LATS1: variants seen among roughly 807,000 people sequenced by gnomAD.
The protein encoded by LATS1 is serine/threonine-protein kinase LATS1.
A neutral mutation model predicts 106.6 loss-of-function variants in LATS1; 25 were observed. The observed-to-expected ratio is 0.23, with a 90% CI of 0.17 to 0.33. The LOEUF (loss-of-function observed/expected upper bound fraction) is 0.33. Among genes scored for constraint, LATS1 ranks in the 10% least tolerant of loss-of-function variants. The probability of loss-of-function intolerance (pLI) is 1.00; values close to 1 mark genes in which losing one functional copy is unlikely to be tolerated. For missense variants in LATS1, 1,040 were observed against 1,382.6 expected (o/e 0.75, Z 3.93); for synonymous variants, 465 against 455.6 (o/e 1.02, Z -0.26).
chr6:149,672,977 T>C (rs1251925930), intron 7 of LATS1, among the ~76,000 whole-genome samples: 1 of 151,980 alleles, frequency 6.6e-6, no homozygotes, highest in Admixed American at 6.5e-5. Flanking sequence ...TGGATAGATT[T>C]TATGTGTTAT....
At chr6:149,671,327 T>C (rs926948587) in intron 7 of LATS1, among the ~76,000 whole-genome samples, 1 of 151,838 alleles carries the variant, frequency 6.6e-6, no homozygotes, top group African/African-American at 2.4e-5. Context: ...AGAGACGGGG[T>C]TTCGCCATGT....
At chr6:149,677,296 CAAG>C (rs1188806216) in intron 5 of LATS1, among the ~76,000 whole-genome samples, 7 of 152,220 alleles carry the variant, frequency 4.6e-5, no homozygotes, top group African/African-American at 1.2e-4. Context: ...CGTAAAAAAA[CAAG>C]AAGGACTCAA....
Position 149,679,660 on chromosome 6 carries a change from C to A in LATS1, c.2593+215G>T, listed in dbSNP as rs572834890. ...TAGAAACAATCAAGTCTAGCACATTCTTTCATTTCATAAGTCTAAACAATC... is the reference window on the plus strand; with the variant it reads ...TAGAAACAATCAAGTCTAGCACATTATTTCATTTCATAAGTCTAAACAATC... On this transcript the variant is annotated intron_variant, in intron 5 of 7. Transcript: ENST00000543571. Among the ~76,000 whole-genome samples the A allele has an allele frequency of 6.4e-4, 98 of 151,992 alleles. 1 individual carries two copies. The highest frequency in any genetic ancestry group is 2.9e-4 in the Non-Finnish European group (20 of 67,954).
At chr6:149,695,002 T>G in intron 3 of LATS1, 72 bp downstream of exon 3, 1 of 1,245,540 alleles carries the variant, frequency 8.0e-7, no homozygotes, top group Non-Finnish European at 1.1e-6. Context: ...GAAGGAAGAT[T>G]TGATAGACTT....
In LATS1 at chr6:149,659,951, CCTT is replaced by C. The variant is rs1435292374; in HGVS notation, c.*1775_*1777del. On this transcript the variant is annotated 3_prime_UTR_variant, in exon 8 of 8. Coordinates refer to ENST00000543571, the MANE Select transcript of LATS1 (RefSeq NM_004690.4). ...AGCAAGAGAGGCATTCATAAGGTCA[CCTT>C]ATATCACATGCTACAGACCTTTTCC... The C allele has an allele frequency of 1.3e-5, 3 of 231,116 alleles. No homozygotes were observed. The highest frequency in any genetic ancestry group is 6.6e-5 in the African/African-American group (3 of 45,252). The allele number at this position is 231,116 out of a possible 1,614,324, so 14.3% of individuals were successfully genotyped here.
rs546850901 is a variant in LATS1 at position 149,687,386 on chromosome 6, C to T, written c.497-2794G>A. 2.0e-5 allele frequency among the ~76,000 whole-genome samples: 3 copies of T among 152,020 alleles called. No homozygotes were observed. In the South Asian group the frequency reaches 6.2e-4, roughly 32 times the overall value. On this transcript the variant is annotated intron_variant, in intron 3 of 7. Coordinates refer to ENST00000543571, the MANE Select transcript of LATS1 (RefSeq NM_004690.4). Reference sequence around the variant, plus strand: ...GATTACAGGCATGAGCTACCGCATCCAGCCAACATCTCCAAGGTTAATCCC... The same window carrying T: ...GATTACAGGCATGAGCTACCGCATCTAGCCAACATCTCCAAGGTTAATCCC...
chr6:149,702,972 C>T (rs1360116211), intron 1 of LATS1, among the ~76,000 whole-genome samples: 1 of 143,956 alleles, frequency 6.9e-6, no homozygotes, highest in Non-Finnish European at 1.5e-5. Context: ...CGTGCCCAGC[C>T]TTTTTTTTTT....
In LATS1 at chr6:149,676,277, A is replaced by T. The variant is rs772192732; in HGVS notation, c.2866T>A (p.Leu956Ile). ...GQPPFLAQTPLETQMKVINWQ... is the reference protein window; with the variant it reads ...GQPPFLAQTPIETQMKVINWQ... ...TACCTTACCTTCATTTGTGTTTCTA[A>T]TGGTGTTTGTGCCAAGAAAGGAGGT... Residue 956 changes from leucine (L) to isoleucine (I), a missense_variant, in exon 7 of 8, where the codon TTA (leucine) becomes ATA (isoleucine). Leu to Ile is a conservative substitution (Grantham distance 5). Transcript: ENST00000543571. 6.2e-6 allele frequency: 10 copies of T among 1,609,926 alleles called. No homozygotes were observed.
chr6:149,664,270 T>TAAAG (rs1249155925), intron 7 of LATS1, among the ~76,000 whole-genome samples: 1 of 151,166 alleles, frequency 6.6e-6, no homozygotes, highest in Non-Finnish European at 1.5e-5. Context: ...AAAGAAAGAA[T>TAAAG]AAAGCATAAG....
intron 3 of LATS1, among the ~76,000 whole-genome samples, chr6:149,694,699 T>C (rs976085829): frequency 2.0e-5 from 3 of 152,174 alleles, no homozygotes; most frequent in African/African-American, 7.2e-5. Flanking sequence ...AACAGCGATG[T>C]TTGTATTTGC....
At chr6:149,714,033 C>T (rs757352870) in intron 1 of LATS1, among the ~76,000 whole-genome samples, 4 of 150,572 alleles carry the variant, frequency 2.7e-5, no homozygotes, top group Non-Finnish European at 5.9e-5. Flanking sequence ...AGTGCAGTGT[C>T]GTATTCTGGC....
chr6:149,707,298 G>A (rs961304632), intron 1 of LATS1, among the ~76,000 whole-genome samples: 13 of 152,096 alleles, frequency 8.5e-5, no homozygotes, highest in African/African-American at 3.1e-4. Context: ...ACAGGTATGA[G>A]CCACTGTGCC....
chr6:149,663,079 G>T (rs1046050144), intron 7 of LATS1, among the ~76,000 whole-genome samples: 74 of 152,126 alleles, frequency 4.9e-4, no homozygotes, highest in African/African-American at 1.6e-3. Context: ...CTCTCCCGCT[G>T]AACTCTTGGA....
chr6:149,670,880 G>A lies in LATS1; in HGVS notation c.2883+5380C>T, dbSNP rs149482189. On this transcript the variant is annotated intron_variant, in intron 7 of 7. Transcript: ENST00000543571. ...AATATTTTCTCCCAGCCTGTAGCTT[G>A]TCTTTTCTCTTGACTGTTATCTGTG... Among the ~76,000 whole-genome samples, 103 of 151,840 alleles carry A rather than the reference G, an allele frequency of 6.8e-4. 2 individuals are homozygous for A. The highest frequency in any genetic ancestry group is 2.5e-3 in the African/African-American group (103 of 41,268).
At chr6:149,695,870 T>C (rs1783033127) in intron 2 of LATS1, among the ~76,000 whole-genome samples, 3 of 152,088 alleles carry the variant, frequency 2.0e-5, no homozygotes, top group Admixed American at 2.0e-4. Flanking sequence ...CTGGGTACAA[T>C]CATAGCAACA....
chr6:149,673,096 C>CTTTTTTTTTTT (rs199602290), intron 7 of LATS1, among the ~76,000 whole-genome samples: 2 of 119,110 alleles, frequency 1.7e-5, no homozygotes, highest in Admixed American at 9.0e-5. Flanking sequence ...CTTTTCTTTT[C>CTTTTTTTTTTT]TTTTTTTTTT....
In LATS1 at chr6:149,661,247, G is replaced by T. The variant is rs1319069091; in HGVS notation, c.*482C>A. 5 of 231,758 alleles carry T rather than the reference G, an allele frequency of 2.2e-5. No individual in the cohort carries two copies. The highest frequency in any genetic ancestry group is 5.6e-5 in the Admixed American group (1 of 17,728). 14.4% of individuals were successfully genotyped at this position (231,758 alleles called of 1,614,324 possible). On this transcript the variant is annotated 3_prime_UTR_variant, in exon 8 of 8. Coordinates refer to ENST00000543571, the MANE Select transcript of LATS1 (RefSeq NM_004690.4). ...CCTAGGAACACTCACCAACACGATG[G>T]CTTAATTTCTCTAGCTTATTTTCTA... is the stretch of plus-strand genomic sequence containing the variant.
At position 149,685,642 on chromosome 6, in the gene LATS1, T is replaced by C. The variant is rs1782333442; in HGVS notation, c.497-1050A>G. Reference sequence around the variant, plus strand: ...CTCAAGTGATCTGCCCTCCTAAGCCTTCCAAAGTGCTGGGATTACAGGTGT... The same window carrying C: ...CTCAAGTGATCTGCCCTCCTAAGCCCTCCAAAGTGCTGGGATTACAGGTGT... On this transcript the variant is annotated intron_variant, in intron 3 of 7. Coordinates refer to ENST00000543571, the MANE Select transcript of LATS1 (RefSeq NM_004690.4). Among the ~76,000 whole-genome samples, 7 of 152,286 alleles carry C rather than the reference T, an allele frequency of 4.6e-5. No homozygotes were observed. In the South Asian group the frequency reaches 1.5e-3, roughly 32 times the overall value.
At chr6:149,697,740 C>A (rs1582904846) in intron 2 of LATS1, among the ~76,000 whole-genome samples, 2 of 151,692 alleles carry the variant, frequency 1.3e-5, no homozygotes, top group African/African-American at 4.8e-5. Context: ...TTTTTCTTTT[C>A]TTTTTTTTGT....
Sources: allele counts gnomAD v4.1 joint callset (sites outside exome capture counted in the v4.1 genomes callset), GRCh38; gene constraint gnomAD v4.1.1; transcripts MANE v1.5; gene names NCBI Gene and HGNC (gene_info 2026-07-23, HGNC 2026-07-21).